The following IGF2R variants were observed in gnomAD, a reference collection of about 807,000 sequenced individuals.
IGF2R encodes the protein cation-independent mannose-6-phosphate receptor.
A neutral mutation model predicts 270.6 loss-of-function variants in IGF2R; 91 were observed. The observed-to-expected ratio is 0.34, with a 90% confidence interval of 0.28 to 0.40. IGF2R has a LOEUF of 0.40. Ranked by LOEUF, IGF2R falls within the 10% of genes least tolerant of loss-of-function variation. The probability of loss-of-function intolerance (pLI) is 1.00; values close to 1 mark genes in which losing one functional copy is unlikely to be tolerated. For missense variants in IGF2R, 2,805 were observed against 3,188.3 expected, an observed-to-expected ratio of 0.88 and a Z score of 2.90; for synonymous variants, 1,316 against 1,258.9, an observed-to-expected ratio of 1.05 and a Z score of -0.96.
intron 46 of IGF2R, among the ~76,000 whole-genome samples, chr6:160,103,220 C>T (rs565090457): frequency 3.3e-5 from 5 of 151,400 alleles, no homozygotes; most frequent in South Asian, 2.1e-4. Flanking sequence ...AGCCACAGGC[C>T]AATGAGAGAG....
At chr6:160,039,239 G>A (rs1469285752) in intron 10 of IGF2R, among the ~76,000 whole-genome samples, 2 of 152,200 alleles carry the variant, frequency 1.3e-5, no homozygotes, top group Non-Finnish European at 2.9e-5. Context: ...TAGCATGTGA[G>A]TGTACTGAAT....
intron 1 of IGF2R, among the ~76,000 whole-genome samples, chr6:159,975,534 T>TGGGGCAGGTGGAAGGA (rs1583236301): frequency 6.6e-6 from 1 of 151,626 alleles, no homozygotes; most frequent in African/African-American, 2.4e-5. Context: ...AGTCCTACCT[T>TGGGGCAGGTGGAAGGA]GGGGCAGGTG....
chr6:160,060,477 G>A, intron 22 of IGF2R, 70 bp from the exon 23 acceptor site: 3 of 1,490,304 alleles, frequency 2.0e-6, no homozygotes, highest in Non-Finnish European at 2.8e-6. Flanking sequence ...TCCTGTTGCT[G>A]CACTGTGCTT....
chr6:160,071,835 A>G, intron 31 of IGF2R, 75 bp from the exon 32 acceptor site: 2 of 1,574,378 alleles, frequency 1.3e-6, no homozygotes, highest in Admixed American at 1.7e-5. Context: ...AGAAGCTTCC[A>G]CTTGTAAGTT....
intron 3 of IGF2R, among the ~76,000 whole-genome samples, chr6:160,009,780 C>A (rs1413745073): frequency 6.6e-6 from 1 of 152,098 alleles, no homozygotes; most frequent in African/African-American, 2.4e-5. Context: ...GTTCTTGAAT[C>A]CCAGTAAGAA....
intron 1 of IGF2R, among the ~76,000 whole-genome samples, chr6:159,976,730 A>C (rs1050437398): frequency 1.3e-5 from 2 of 151,874 alleles, no homozygotes; most frequent in Non-Finnish European, 2.9e-5. Flanking sequence ...TGGACCCACT[A>C]AATTTTTAGA....
intron 30 of IGF2R, among the ~76,000 whole-genome samples, chr6:160,069,608 G>A (rs1311691133): frequency 6.6e-5 from 10 of 152,240 alleles, no homozygotes; most frequent in Non-Finnish European, 7.4e-5. Flanking sequence ...AAAGAATTTC[G>A]ACTGCTACAG....
intron 4 of IGF2R, among the ~76,000 whole-genome samples, chr6:160,021,468 A>G (rs989591998): frequency 2.7e-5 from 4 of 148,850 alleles, no homozygotes; most frequent in African/African-American, 9.9e-5. Flanking sequence ...GGGGAGGGAT[A>G]GCATTAGGAG....
intron 12 of IGF2R, among the ~76,000 whole-genome samples, chr6:160,044,313 G>A (rs1583276546): frequency 2.0e-5 from 3 of 152,312 alleles, no homozygotes; most frequent in East Asian, 1.9e-4. Context: ...GGCTGTTAAT[G>A]TCTAGCCAAA....
intron 44 of IGF2R, among the ~76,000 whole-genome samples, chr6:160,091,381 G>A (rs973566173): frequency 2.1e-4 from 32 of 151,488 alleles, no homozygotes; most frequent in Non-Finnish European, 2.7e-4. Context: ...TGAGCGCATC[G>A]CCGAGAAGGA....
chr6:159,994,037 A>T, intron 2 of IGF2R, among the ~76,000 whole-genome samples: 1 of 101,624 alleles, frequency 9.8e-6, no homozygotes, highest in Middle Eastern at 0.01. Flanking sequence ...TGGGATTGGT[A>T]CCAGTTCTTT....
At chr6:160,096,291 T>C in intron 44 of IGF2R, 148 bp from the exon 45 acceptor site, 1 of 669,280 alleles carries the variant, frequency 1.5e-6, no homozygotes, top group Non-Finnish European at 2.6e-6. Context: ...CCTCGTAAGC[T>C]GTGAACAGAG....
At chr6:160,080,400 C>T (rs1778953051) in intron 39 of IGF2R, 125 bp downstream of exon 39, 11 of 956,738 alleles carry the variant, frequency 1.1e-5, no homozygotes, top group Non-Finnish European at 1.7e-5. Context: ...AAAATATTTT[C>T]TTACTCGGGC....
chr6:160,035,806 C>T (rs891635371), intron 10 of IGF2R, among the ~76,000 whole-genome samples: 5 of 152,156 alleles, frequency 3.3e-5, no homozygotes, highest in African/African-American at 4.8e-5. Context: ...TAGAGTAGAG[C>T]GAGTGCTTAG....
At chr6:160,096,727 G>C in intron 45 of IGF2R, 102 bp downstream of exon 45, 1 of 967,962 alleles carries the variant, frequency 1.0e-6, no homozygotes, top group Non-Finnish European at 1.5e-6. Context: ...GAAATATTCA[G>C]AACATGCACC....
At chr6:159,971,011 G>A (rs1562327311) in intron 1 of IGF2R, among the ~76,000 whole-genome samples, 1 of 152,212 alleles carries the variant, frequency 6.6e-6, no homozygotes, top group Non-Finnish European at 1.5e-5. Context: ...CCCGCAGGTC[G>A]AGGTTGCAGT....
rs759386027 is a variant in IGF2R, at chr6:160,032,615, A to G, written c.947A>G (p.Tyr316Cys). 1.4e-5 allele frequency: 22 copies of G among 1,614,228 alleles called. No homozygotes were observed. In the South Asian group the frequency reaches 2.1e-4, roughly 15 times the overall value. Reference protein sequence around the residue: ...CRYEIEWITEYACHRDYLESK... With the variant: ...CRYEIEWITECACHRDYLESK... ...TATGAAATTGAGTGGATTACTGAGTATGCCTGCCACAGAGATTACCTGGAA... is the reference window on the plus strand; with the variant it reads ...TATGAAATTGAGTGGATTACTGAGTGTGCCTGCCACAGAGATTACCTGGAA... Residue 316 changes from tyrosine to cysteine, a missense_variant, in exon 8 of 48, where the codon TAT becomes TGT. Around this residue, in one of 2 missense-constraint regions of IGF2R, gnomAD observed 954 missense variants for 981.1 expected, o/e 0.97. Coordinates refer to ENST00000356956, the MANE Select transcript of IGF2R (RefSeq NM_000876.4).
chr6:160,060,434 C>T (rs767274510), intron 22 of IGF2R, 113 bp from the exon 23 acceptor site: 19 of 1,003,180 alleles, frequency 1.9e-5, no homozygotes, highest in East Asian at 9.6e-5. Flanking sequence ...CTCCCACGAA[C>T]GGCTGTGAAG....
intron 45 of IGF2R, among the ~76,000 whole-genome samples, chr6:160,101,862 T>G (rs1779492089): frequency 1.3e-5 from 2 of 152,180 alleles, no homozygotes; most frequent in South Asian, 4.1e-4. Context: ...CCCACAAGTG[T>G]GCATGTGGGT....
Sources: gnomAD v4.1 joint callset for allele counts (sites outside exome capture counted in the v4.1 genomes callset) on GRCh38, gnomAD v4.1.1 for gene constraint, gnomAD v4.1.1 regional missense constraint, MANE v1.5 for transcripts, NCBI Gene and HGNC (gene_info 2026-07-23, HGNC 2026-07-21) for gene names.